CBFA2T3: variants seen among roughly 807,000 people sequenced by gnomAD.
The protein encoded by CBFA2T3 is transcriptional corepressor CBFA2T3.
A neutral mutation model predicts 58.6 loss-of-function variants in CBFA2T3; 31 were observed. That is an observed-to-expected ratio of 0.53 (90% CI 0.40 to 0.71). CBFA2T3 has a LOEUF of 0.71. Among genes scored for constraint, CBFA2T3 ranks in the 30% least tolerant of loss-of-function variants. CBFA2T3 has a pLI of 0.00. For synonymous variants in CBFA2T3, 531 were observed against 421.9 expected, an observed-to-expected ratio of 1.26 and a Z score of -3.17; for missense variants, 1,076 against 963.1, an observed-to-expected ratio of 1.12 and a Z score of -1.55.
intron 1 of CBFA2T3, among the ~76,000 whole-genome samples, chr16:88,904,467 G>A (rs572236971): frequency 7.6e-4 from 116 of 152,352 alleles, no homozygotes; most frequent in Admixed American, 1.5e-3. Context: ...CCCCCACAGG[G>A]CCAGGACTCG....
At chr16:88,956,046 G>A (rs991466988) in intron 1 of CBFA2T3, among the ~76,000 whole-genome samples, 2 of 152,210 alleles carry the variant, frequency 1.3e-5, no homozygotes, top group African/African-American at 4.8e-5. Context: ...CAGGGCTCCC[G>A]ACCCTGCCCA....
intron 1 of CBFA2T3, among the ~76,000 whole-genome samples, chr16:88,968,423 C>A (rs1972567642): frequency 6.6e-6 from 1 of 152,230 alleles, no homozygotes; most frequent in African/African-American, 2.4e-5. Flanking sequence ...GCAGGACAAG[C>A]CTCACGGCTC....
In CBFA2T3 at chr16:88,977,179, C is replaced by T. The variant is rs1972885509; in HGVS notation, c.-372G>A. 1.5e-5 allele frequency: 4 copies of T among 274,846 alleles called. No individual in the cohort carries two copies. Among genetic ancestry groups the T allele is most frequent in the African/African-American group, 2.1e-5 (1 of 47,056 alleles). The allele number at this position is 274,846 out of a possible 1,614,324, so 17.0% of individuals were successfully genotyped here. A position where few individuals can be genotyped will look rare whatever the true frequency, so the allele number is the denominator to read the frequency against. Reference sequence around the variant, plus strand: ...AGGAACCATCTGGGGCCCTGCCCTGCGCGGCCTTCCCTCGGGCCATTCCGG... The same window carrying T: ...AGGAACCATCTGGGGCCCTGCCCTGTGCGGCCTTCCCTCGGGCCATTCCGG... On this transcript the variant is annotated 5_prime_UTR_variant, in exon 1 of 12. Coordinates refer to ENST00000268679, the MANE Select transcript of CBFA2T3 (RefSeq NM_005187.6).
intron 1 of CBFA2T3, among the ~76,000 whole-genome samples, chr16:88,919,535 T>C (rs1970844791): frequency 6.6e-6 from 1 of 152,210 alleles, no homozygotes; most frequent in South Asian, 2.1e-4. Flanking sequence ...TCACTCAGCC[T>C]TACGGGTAAG....
In CBFA2T3 at chr16:88,876,813, A is replaced by T. The variant is rs1190260341; in HGVS notation, c.*163T>A. On this transcript the variant is annotated 3_prime_UTR_variant, in exon 12 of 12. Coordinates refer to ENST00000268679, the MANE Select transcript of CBFA2T3 (RefSeq NM_005187.6). ...TTGTTGGTTCTGTGTCTTCTTTCGG[A>T]GAGGGGCAGTAGCAGCAGTGACTAA... 1 of 537,100 alleles carries T rather than the reference A, an allele frequency of 1.9e-6. No homozygotes were observed. The highest frequency in any genetic ancestry group is 3.1e-6 in the Non-Finnish European group (1 of 319,600). The allele number at this position is 537,100 out of a possible 1,614,324, so 33.3% of individuals were successfully genotyped here. A position where few individuals can be genotyped will look rare whatever the true frequency, so the allele number is the denominator to read the frequency against.
At chr16:88,921,932 C>A (rs191321683) in intron 1 of CBFA2T3, among the ~76,000 whole-genome samples, 1 of 152,230 alleles carries the variant, frequency 6.6e-6, no homozygotes, top group African/African-American at 2.4e-5. Flanking sequence ...GACCTCTCTG[C>A]GCGGCGCATT....
intron 3 of CBFA2T3, 74 bp from the exon 4 acceptor site, chr16:88,892,559 G>A (rs1969685866): frequency 6.5e-7 from 1 of 1,527,764 alleles, no homozygotes; most frequent in Non-Finnish European, 9.0e-7. Flanking sequence ...CGACAGTGAG[G>A]GAAGCAGCGA....
chr16:88,900,647 A>C lies in CBFA2T3; in HGVS notation c.304+857T>G, dbSNP rs181505954. Among the ~76,000 whole-genome samples the C allele has an allele frequency of 1.3e-4, 20 of 152,204 alleles. No individual in the cohort carries two copies. In the East Asian group the frequency reaches 3.7e-3, roughly 28 times the overall value. On this transcript the variant is annotated intron_variant, in intron 2 of 11. Coordinates refer to ENST00000268679, the MANE Select transcript of CBFA2T3 (RefSeq NM_005187.6). ...AGGTACGGGGCTTTCTGGCCGCTGC[A>C]TGTGGAGGTGGTACATGGAGTCTCC...
chr16:88,901,254 G>A (rs1299092356), intron 2 of CBFA2T3, among the ~76,000 whole-genome samples: 3 of 152,214 alleles, frequency 2.0e-5, no homozygotes, highest in Admixed American at 6.5e-5. Context: ...AGCCCTGGGA[G>A]GACCTGCATT....
intron 1 of CBFA2T3, among the ~76,000 whole-genome samples, chr16:88,930,323 T>C (rs1325889941): frequency 5.1e-4 from 70 of 138,218 alleles, no homozygotes; most frequent in African/African-American, 1.9e-3. Flanking sequence ...ACGCAAAAGC[T>C]ACCAATACCC....
chr16:88,875,741 G>T lies in CBFA2T3; in HGVS notation c.*1235C>A, dbSNP rs538719005. On this transcript the variant is annotated 3_prime_UTR_variant, in exon 12 of 12. Coordinates refer to ENST00000268679, the MANE Select transcript of CBFA2T3 (RefSeq NM_005187.6). ...CTCCGCATGCTCGAAAAGCAGTCGA[G>T]AATCAACCCAAAAGATTGTCACAGT... 4 of 233,582 alleles carry T rather than the reference G, an allele frequency of 1.7e-5. No homozygotes were observed. Among genetic ancestry groups the T allele is most frequent in the Non-Finnish European group, 2.5e-5 (3 of 118,056 alleles). 14.5% of individuals were successfully genotyped at this position (233,582 alleles called of 1,614,324 possible).
Position 88,881,494 on chromosome 16 carries a change from G to A in CBFA2T3, c.1204-5C>T, listed in dbSNP as rs529754752. 11 of 1,598,640 alleles carry A rather than the reference G, an allele frequency of 6.9e-6. No homozygotes were observed. The African/African-American group carries it at 1.5e-4, about 21-fold the overall frequency. Reference sequence around the variant, plus strand: ...GTCCATGATGCAGTTCAGGAGCTGGGGGCGGGCGGCGCAGCCTTCAGCACC... The same window carrying A: ...GTCCATGATGCAGTTCAGGAGCTGGAGGCGGGCGGCGCAGCCTTCAGCACC... On this transcript the variant is annotated splice_polypyrimidine_tract_variant and splice_region_variant and intron_variant, in intron 8 of 11. Transcript: ENST00000268679.
chr16:88,951,577 T>A (rs957313821), intron 1 of CBFA2T3: 2 of 364,398 alleles, frequency 5.5e-6, no homozygotes, highest in African/African-American at 4.3e-5. Flanking sequence ...TTCCCTCCCC[T>A]CGGGTCTGTG....
intron 9 of CBFA2T3, 154 bp from the exon 10 acceptor site, chr16:88,880,942 G>T: frequency 1.4e-6 from 1 of 729,468 alleles, no homozygotes; most frequent in Non-Finnish European, 2.3e-6. Flanking sequence ...TCTGGCTCAG[G>T]CACCCAGGGC....
At chr16:88,901,944 G>C (rs1008515433) in intron 1 of CBFA2T3, among the ~76,000 whole-genome samples, 4 of 152,222 alleles carry the variant, frequency 2.6e-5, no homozygotes, top group African/African-American at 4.8e-5. Context: ...CTCCAGGCTT[G>C]AGGCTTCTAC....
At chr16:88,896,500 C>T (rs539564963) in intron 3 of CBFA2T3, among the ~76,000 whole-genome samples, 5 of 152,308 alleles carry the variant, frequency 3.3e-5, no homozygotes, top group Admixed American at 1.3e-4. Flanking sequence ...CCTGGTCTCT[C>T]GCCTTCTGAG....
chr16:88,948,505 A>G (rs527568403), intron 1 of CBFA2T3, among the ~76,000 whole-genome samples: 2 of 152,294 alleles, frequency 1.3e-5, no homozygotes, highest in Admixed American at 6.5e-5. Flanking sequence ...AGTTGCCCAC[A>G]AGGTCAAGGA....
Position 88,926,718 on chromosome 16 carries a change from AGTTT to A in CBFA2T3, c.152-25066_152-25063del, listed in dbSNP as rs1971096079. 2.0e-5 allele frequency among the ~76,000 whole-genome samples: 3 copies of A among 152,198 alleles called. No individual in the cohort carries two copies. In the South Asian group the frequency reaches 6.2e-4, roughly 31 times the overall value. ...GCCAGGGTGGGGCCTGCTGAGCCTCAGTTTCCTCGGCTGTAAGACGGGACGGAGG... is the reference window on the plus strand; with the variant it reads ...GCCAGGGTGGGGCCTGCTGAGCCTCACCTCGGCTGTAAGACGGGACGGAGG... On this transcript the variant is annotated intron_variant, in intron 1 of 11. Coordinates refer to ENST00000268679, the MANE Select transcript of CBFA2T3 (RefSeq NM_005187.6).
chr16:88,975,494 G>A (rs191695542), intron 1 of CBFA2T3, among the ~76,000 whole-genome samples: 208 of 152,380 alleles, frequency 1.4e-3, no homozygotes, highest in Middle Eastern at 0.01. Flanking sequence ...GAGGCCCAGG[G>A]AGGAAGCACC....
Sources: allele counts gnomAD v4.1 joint callset (sites outside exome capture counted in the v4.1 genomes callset), GRCh38; gene constraint gnomAD v4.1.1; transcripts MANE v1.5; gene names NCBI Gene and HGNC (gene_info 2026-07-23, HGNC 2026-07-21).